Variants in SIPA1L1 observed in about 807,000 individuals in gnomAD.
SIPA1L1 encodes signal-induced proliferation-associated 1-like protein 1.
Under a neutral mutation model 162.7 loss-of-function variants are expected in SIPA1L1, and 26 were observed. The ratio of observed to expected loss-of-function variants is 0.16; its 90% confidence interval spans 0.12 to 0.22. The LOEUF (loss-of-function observed/expected upper bound fraction) is 0.22, where lower values mean the gene tolerates loss of function less well. SIPA1L1 is among the 10% of genes least tolerant of loss of function. SIPA1L1 has a pLI of 1.00. For synonymous variants in SIPA1L1, 829 were observed against 837.4 expected (o/e 0.99, Z 0.17); for missense variants, 1,874 against 2,241.0 (o/e 0.84, Z 3.31).
chr14:71,509,299 G>A (rs1313962828), intron 2 of SIPA1L1, among the ~76,000 whole-genome samples: 1 of 152,114 alleles, frequency 6.6e-6, no homozygotes, highest in Non-Finnish European at 1.5e-5. Flanking sequence ...AAATTTTTAG[G>A]TTGTATTTAA....
At chr14:71,412,074 G>A (rs1276434587) in intron 2 of SIPA1L1, among the ~76,000 whole-genome samples, 3 of 152,156 alleles carry the variant, frequency 2.0e-5, no homozygotes, top group Non-Finnish European at 4.4e-5. Flanking sequence ...TTAACAAAAC[G>A]AAGTACATAT....
chr14:71,460,780 G>A (rs1293819916), intron 2 of SIPA1L1, among the ~76,000 whole-genome samples: 1 of 152,116 alleles, frequency 6.6e-6, no homozygotes, highest in Non-Finnish European at 1.5e-5. Context: ...AATCCTGACT[G>A]TGGGAGAAAC....
chr14:71,389,837 G>GTTTC (rs1206905839), intron 2 of SIPA1L1, among the ~76,000 whole-genome samples: 1 of 152,200 alleles, frequency 6.6e-6, no homozygotes, highest in Non-Finnish European at 1.5e-5. Context: ...GTGGTGCTGT[G>GTTTC]TTTCCTCATC....
rs532140419 is a variant in SIPA1L1 at position 71,385,686 on chromosome 14, C to CT, written c.-465+64525dup. Among the ~76,000 whole-genome samples, 1,087 of 112,378 alleles carry CT rather than the reference C, an allele frequency of 9.7e-3. 12 individuals are homozygous for CT. Among genetic ancestry groups the CT allele is most frequent in the Middle Eastern group, 0.032 (7 of 216 alleles). 73.7% of individuals were successfully genotyped at this position (112,378 alleles called of 152,430 possible). On this transcript the variant is annotated intron_variant, in intron 2 of 23. Transcript: ENST00000381232. ...GATGCTTTACTTTCTTTTGTACATT[C>CT]TTTTTTTTTTTTTTTTTTTTGAAAC...
intron 4 of SIPA1L1, among the ~76,000 whole-genome samples, chr14:71,562,666 C>T (rs147768525): frequency 1.4e-3 from 209 of 152,110 alleles, no homozygotes; most frequent in Non-Finnish European, 2.5e-3. Flanking sequence ...TATTTTTTTC[C>T]ATGTGTATGG....
At chr14:71,580,890 T>TAA (rs916419865) in intron 4 of SIPA1L1, among the ~76,000 whole-genome samples, 4 of 152,108 alleles carry the variant, frequency 2.6e-5, no homozygotes, top group Non-Finnish European at 5.9e-5. Context: ...AAAATATAAA[T>TAA]AAAAAAACAG....
chr14:71,582,084 C>T (rs1419305995), intron 4 of SIPA1L1, among the ~76,000 whole-genome samples: 1 of 152,156 alleles, frequency 6.6e-6, no homozygotes, highest in Non-Finnish European at 1.5e-5. Context: ...CACTGGCTTA[C>T]TCCTGTAATC....
At chr14:71,678,912 G>A (rs1052186382) in intron 12 of SIPA1L1, among the ~76,000 whole-genome samples, 1 of 152,006 alleles carries the variant, frequency 6.6e-6, no homozygotes, top group Non-Finnish European at 1.5e-5. Flanking sequence ...AATGAACAAA[G>A]CCTCCAAGAA....
At chr14:71,369,753 A>G (rs1406603838) in intron 2 of SIPA1L1, among the ~76,000 whole-genome samples, 2 of 140,920 alleles carry the variant, frequency 1.4e-5, no homozygotes, top group Admixed American at 7.3e-5. Context: ...TACCTTGGGC[A>G]GTATGGCCAT....
At chr14:71,597,122 A>C (rs1381372506) in intron 5 of SIPA1L1, among the ~76,000 whole-genome samples, 1 of 151,980 alleles carries the variant, frequency 6.6e-6, no homozygotes, top group Non-Finnish European at 1.5e-5. Flanking sequence ...AGCGTGCATC[A>C]TCACGCCTGG....
intron 3 of SIPA1L1, among the ~76,000 whole-genome samples, chr14:71,513,615 C>T (rs1332704915): frequency 1.3e-5 from 2 of 152,030 alleles, no homozygotes; most frequent in Non-Finnish European, 2.9e-5. Context: ...CCTCAGCCTC[C>T]CAGGTAGCTG....
At chr14:71,584,769 A>G (rs1596276437) in intron 4 of SIPA1L1, among the ~76,000 whole-genome samples, 1 of 152,234 alleles carries the variant, frequency 6.6e-6, no homozygotes, top group East Asian at 1.9e-4. Context: ...CTAGAGCTGT[A>G]AAATTAAACA....
chr14:71,459,745 C>A (rs1290114085), intron 2 of SIPA1L1, among the ~76,000 whole-genome samples: 2 of 152,140 alleles, frequency 1.3e-5, no homozygotes, highest in African/African-American at 4.8e-5. Context: ...CTGCCTTTCC[C>A]AGCCCATTGA....
chr14:71,322,722 C>G (rs2033221075), intron 2 of SIPA1L1, among the ~76,000 whole-genome samples: 1 of 152,192 alleles, frequency 6.6e-6, no homozygotes, highest in Non-Finnish European at 1.5e-5. Flanking sequence ...CTTTATGTCT[C>G]TGACAACTAA....
chr14:71,356,985 AGAAT>A (rs1449330390), intron 2 of SIPA1L1, among the ~76,000 whole-genome samples: 1 of 152,186 alleles, frequency 6.6e-6, no homozygotes, highest in Non-Finnish European at 1.5e-5. Context: ...AGAATATTGA[AGAAT>A]GAAATTAATA....
intron 4 of SIPA1L1, among the ~76,000 whole-genome samples, chr14:71,537,432 T>C (rs1484638358): frequency 6.6e-6 from 1 of 152,186 alleles, no homozygotes; most frequent in Non-Finnish European, 1.5e-5. Context: ...CTCGGACTCC[T>C]GACCTCAGGT....
intron 2 of SIPA1L1, among the ~76,000 whole-genome samples, chr14:71,370,811 A>G (rs1256842594): frequency 6.6e-6 from 1 of 152,150 alleles, no homozygotes; most frequent in Non-Finnish European, 1.5e-5. Flanking sequence ...CAAATCATAA[A>G]TGGTACCTTG....
At chr14:71,346,200 CCAGT>C (rs1345913018) in intron 2 of SIPA1L1, among the ~76,000 whole-genome samples, 1 of 152,100 alleles carries the variant, frequency 6.6e-6, no homozygotes, top group African/African-American at 2.4e-5. Context: ...GCCACCGCAC[CCAGT>C]CAAATTTGTA....
At chr14:71,456,879 G>A (rs1230457057) in intron 2 of SIPA1L1, among the ~76,000 whole-genome samples, 2 of 152,124 alleles carry the variant, frequency 1.3e-5, no homozygotes, top group Non-Finnish European at 1.5e-5. Context: ...TTAAGTTTGT[G>A]CAGAAGTTTT....
Sources: gnomAD v4.1 joint callset for allele counts (sites outside exome capture counted in the v4.1 genomes callset) on GRCh38, gnomAD v4.1.1 for gene constraint, MANE v1.5 for transcripts, NCBI Gene and HGNC (gene_info 2026-07-23, HGNC 2026-07-21) for gene names.